The following UGT1A9 variants were observed in gnomAD, a reference collection of about 807,000 sequenced individuals.
UGT1A9 encodes the protein UDP glucuronosyltransferase family 1 member A9.
UGT1A9 carries 35 observed loss-of-function variants against 45.0 expected under a neutral mutation model. The observed-to-expected ratio is 0.78, with a 90% CI of 0.59 to 1.03. The LOEUF (loss-of-function observed/expected upper bound fraction) is 1.03, where lower values mean the gene tolerates loss of function less well. UGT1A9 is among the 50% of genes least tolerant of loss of function. The probability of loss-of-function intolerance (pLI) is 0.00; values close to 1 mark genes in which losing one functional copy is unlikely to be tolerated. For synonymous variants in UGT1A9, 278 were observed against 250.6 expected, an observed-to-expected ratio of 1.11 and a Z score of -1.03; for missense variants, 687 against 666.6, an observed-to-expected ratio of 1.03 and a Z score of -0.34.
chr2:233,709,529 C>T (rs1169000951), intron 1 of UGT1A9, among the ~76,000 whole-genome samples: 1 of 151,942 alleles, frequency 6.6e-6, no homozygotes, highest in Non-Finnish European at 1.5e-5. Context: ...ATTCTTTTTC[C>T]TACTGTGATA....
At position 233,718,978 on chromosome 2, in the gene UGT1A9, C is replaced by G. The variant is rs200639166; in HGVS notation, c.855+46189C>G. 2.5e-6 allele frequency: 4 copies of G among 1,614,214 alleles called. No individual in the cohort carries two copies. Among genetic ancestry groups the G allele is most frequent in the Admixed American group, 3.3e-5 (2 of 60,032 alleles). The stretch of plus-strand genomic sequence containing the variant: ...CGGGAGGCCTTGCGGGAGCTCCATG[C>G]CAGAGGCCACCAGGCGGTGGTCCTC... On this transcript the variant is annotated intron_variant, in intron 1 of 4. Coordinates refer to ENST00000354728, the MANE Select transcript of UGT1A9 (RefSeq NM_021027.3).
At chr2:233,754,978 CG>C (rs1333953486) in intron 1 of UGT1A9, 1 of 1,298,378 alleles carries the variant, frequency 7.7e-7, no homozygotes, top group Non-Finnish European at 1.0e-6. Context: ...CTGAAGACCT[CG>C]GCGGGGTCAC....
intron 1 of UGT1A9, chr2:233,740,576 G>A (rs1691425375): frequency 6.6e-6 from 1 of 151,744 alleles, no homozygotes; most frequent in Non-Finnish European, 1.5e-5. Flanking sequence ...TGTTTTTTGG[G>A]ACCCTAATGA....
At chr2:233,733,460 C>T (rs1438150751) in intron 1 of UGT1A9, among the ~76,000 whole-genome samples, 1 of 152,094 alleles carries the variant, frequency 6.6e-6, no homozygotes, top group Non-Finnish European at 1.5e-5. Context: ...ATAAATAGCT[C>T]TTATTATTTT....
intron 1 of UGT1A9, among the ~76,000 whole-genome samples, chr2:233,674,743 G>A (rs543423784): frequency 6.6e-6 from 1 of 152,176 alleles, no homozygotes; most frequent in Non-Finnish European, 1.5e-5. Context: ...ATATATTAAT[G>A]TATGTATTTA....
chr2:233,679,102 T>A (rs1253930017), intron 1 of UGT1A9, among the ~76,000 whole-genome samples: 1 of 152,226 alleles, frequency 6.6e-6, no homozygotes, highest in Non-Finnish European at 1.5e-5. Flanking sequence ...CTGTGTGTAA[T>A]GAGTTCTAAA....
intron 1 of UGT1A9, among the ~76,000 whole-genome samples, chr2:233,703,752 G>A (rs1363536949): frequency 2.6e-5 from 4 of 151,892 alleles, no homozygotes; most frequent in Admixed American, 1.3e-4. Flanking sequence ...AATCTCAAAT[G>A]TATCTTCTGC....
intron 1 of UGT1A9, chr2:233,760,643 ACT>A: frequency 6.2e-7 from 1 of 1,614,148 alleles, no homozygotes; most frequent in Non-Finnish European, 8.5e-7. Context: ...ATAAAAAAGG[ACT>A]CTGCTATGCT....
At chr2:233,717,885 C>T (rs1165690902) in intron 1 of UGT1A9, 3 of 454,846 alleles carry the variant, frequency 6.6e-6, no homozygotes, top group South Asian at 3.1e-5. Flanking sequence ...AAAGCCTGGC[C>T]ATAATCTTCA....
At chr2:233,724,344 C>CCT (rs2077230748) in intron 1 of UGT1A9, among the ~76,000 whole-genome samples, 1 of 144,934 alleles carries the variant, frequency 6.9e-6, no homozygotes, top group African/African-American at 2.5e-5. Context: ...GGGCTGACCC[C>CCT]CCCCACCTCC....
At chr2:233,770,541 C>T (rs745905860) in intron 4 of UGT1A9, 1 of 151,870 alleles carries the variant, frequency 6.6e-6, no homozygotes, top group Non-Finnish European at 1.5e-5. Flanking sequence ...GCCTGTAATC[C>T]CAGCTATTTG....
intron 1 of UGT1A9, chr2:233,691,057 C>T: frequency 1.0e-6 from 1 of 987,646 alleles, no homozygotes; most frequent in Admixed American, 6.0e-5. Context: ...GAGTGGAGGT[C>T]TAGTATAAAG....
intron 1 of UGT1A9, among the ~76,000 whole-genome samples, chr2:233,735,030 C>T (rs1056371330): frequency 3.9e-5 from 6 of 152,186 alleles, no homozygotes; most frequent in African/African-American, 1.2e-4. Context: ...TCTATTAGGT[C>T]TGCTTGGTGC....
Position 233,674,043 on chromosome 2 carries a change from T to C in UGT1A9, c.855+1254T>C, listed in dbSNP as rs1048014161. On this transcript the variant is annotated intron_variant, in intron 1 of 4. Transcript: ENST00000354728. ...AATAACATTCTTAGCAAATGTGTAG[T>C]TGGCTGAATCCAGATTAAACACCTA... 6.6e-5 allele frequency among the ~76,000 whole-genome samples: 10 copies of C among 152,300 alleles called. No homozygotes were observed. In the East Asian group the frequency reaches 1.9e-3, roughly 29 times the overall value.
At chr2:233,743,412 T>G in intron 1 of UGT1A9, 4 of 1,321,888 alleles carry the variant, frequency 3.0e-6, no homozygotes, top group Non-Finnish European at 3.0e-6. Flanking sequence ...GGCCCCCACT[T>G]CCCAGGGAGC....
rs754609024 is a variant in UGT1A9, at chr2:233,672,791, T to G, written c.855+2T>G. On this transcript the variant is annotated splice_donor_variant, in intron 1 of 4. Coordinates refer to ENST00000354728, the MANE Select transcript of UGT1A9 (RefSeq NM_021027.3). LOFTEE classifies it high-confidence loss of function. Reference sequence around the variant, plus strand: ...CATCAGGGAAAGCCGTTGCCTATGGTAAGTTATCTCTCCTTTAGCACCTTA... The same window carrying G: ...CATCAGGGAAAGCCGTTGCCTATGGGAAGTTATCTCTCCTTTAGCACCTTA... 31 of 1,612,892 alleles carry G rather than the reference T, an allele frequency of 1.9e-5. No homozygotes were observed. The highest frequency in any genetic ancestry group is 2.5e-5 in the Non-Finnish European group (29 of 1,179,194).
chr2:233,686,522 G>A (rs757832173), intron 1 of UGT1A9, among the ~76,000 whole-genome samples: 4 of 152,052 alleles, frequency 2.6e-5, no homozygotes, highest in Non-Finnish European at 5.9e-5. Context: ...CTCCACCTGC[G>A]TTAGAACCTA....
chr2:233,721,917 A>C (rs2076979949), intron 1 of UGT1A9: 1 of 410,562 alleles, frequency 2.4e-6, no homozygotes, highest in Admixed American at 2.7e-5. Flanking sequence ...CACTGCTTCC[A>C]TAAAGTGACA....
At chr2:233,747,962 C>A (rs780665543) in intron 1 of UGT1A9, 1 of 1,613,470 alleles carries the variant, frequency 6.2e-7, no homozygotes, top group Middle Eastern at 1.7e-4. Flanking sequence ...ATCTTCTCAG[C>A]CATGCATCTG....
Sources: allele counts gnomAD v4.1 joint callset (sites outside exome capture counted in the v4.1 genomes callset), GRCh38; gene constraint gnomAD v4.1.1; transcripts MANE v1.5; gene names NCBI Gene and HGNC (gene_info 2026-07-23, HGNC 2026-07-21).